KCNMA1: variants seen among roughly 807,000 people sequenced by gnomAD.
KCNMA1 encodes Calcium-activated potassium channel subunit alpha-1.
In KCNMA1, 29 loss-of-function variants were observed where a neutral mutation model predicts 140.0. That is an observed-to-expected ratio of 0.21 (90% CI 0.15 to 0.28). The LOEUF (loss-of-function observed/expected upper bound fraction) is 0.28. KCNMA1 is among the 10% of genes least tolerant of loss of function. The pLI, the probability that KCNMA1 is intolerant of heterozygous loss-of-function variation, is 1.00. For missense variants in KCNMA1, 880 were observed against 1,602.2 expected (o/e 0.55, Z 7.70); for synonymous variants, 612 against 611.9 (o/e 1.00, Z 0.00).
At chr10:77,321,238 C>T (rs1291206737) in intron 2 of KCNMA1, among the ~76,000 whole-genome samples, 1 of 152,206 alleles carries the variant, frequency 6.6e-6, no homozygotes, top group Non-Finnish European at 1.5e-5. Context: ...TGGCTTCACC[C>T]TACATGCCAT....
At chr10:77,214,579 T>C (rs917843392) in intron 3 of KCNMA1, among the ~76,000 whole-genome samples, 1 of 152,174 alleles carries the variant, frequency 6.6e-6, no homozygotes, top group Non-Finnish European at 1.5e-5. Context: ...CAACCACATT[T>C]CCAGAGACTA....
At chr10:77,470,434 G>A (rs772523584) in intron 1 of KCNMA1, among the ~76,000 whole-genome samples, 1 of 152,096 alleles carries the variant, frequency 6.6e-6, no homozygotes, top group Non-Finnish European at 1.5e-5. Flanking sequence ...GCTTCATCCA[G>A]AAATGTAAAC....
intron 1 of KCNMA1, among the ~76,000 whole-genome samples, chr10:77,514,993 A>G (rs938637184): frequency 3.3e-5 from 5 of 152,078 alleles, no homozygotes; most frequent in African/African-American, 1.2e-4. Context: ...GCTGTCCTGC[A>G]GCAGATGAAA....
rs1398207805 is a variant in KCNMA1 at position 76,887,272 on chromosome 10, CCGCT to C, written c.3701_3704del (p.Glu1234GlyfsTer61). 6.2e-7 allele frequency: 1 copy of C among 1,613,810 alleles called. No homozygotes were observed. The highest frequency in any genetic ancestry group is 8.5e-7 in the Non-Finnish European group (1 of 1,179,986). ...GTGGCGGTGGATACACATATCAAAG[CCGCT>C]CTTCCTGCACGTACTTCTGTTTGTC... On this transcript the variant is annotated frameshift_variant, in exon 28 of 28. Transcript: ENST00000286628. LOFTEE classifies it high-confidence loss of function.
At chr10:77,027,786 A>G (rs200991834) in intron 16 of KCNMA1, 37 bp downstream of exon 16, 11 of 1,576,780 alleles carry the variant, frequency 7.0e-6, no homozygotes, top group East Asian at 2.2e-5. Context: ...CTCACCATCA[A>G]AAGTGTCAGC....
At chr10:77,392,394 T>A (rs897788328) in intron 2 of KCNMA1, among the ~76,000 whole-genome samples, 1 of 152,148 alleles carries the variant, frequency 6.6e-6, no homozygotes, top group African/African-American at 2.4e-5. Context: ...CTGCACAGGA[T>A]GTGCAATCAG....
intron 3 of KCNMA1, among the ~76,000 whole-genome samples, chr10:77,205,679 T>C (rs1378627209): frequency 6.6e-6 from 1 of 152,214 alleles, no homozygotes; most frequent in East Asian, 1.9e-4. Flanking sequence ...AGGAAGTCCA[T>C]CTGAACCAAG....
chr10:77,372,409 T>C lies in KCNMA1; in HGVS notation c.540+31453A>G, dbSNP rs368820291. Among the ~76,000 whole-genome samples, 282 of 152,168 alleles carry C rather than the reference T, an allele frequency of 1.9e-3. 4 individuals carry two copies. The South Asian group carries it at 0.058, about 31-fold the overall frequency. On this transcript the variant is annotated intron_variant, in intron 2 of 27. Coordinates refer to ENST00000286628, the MANE Select transcript of KCNMA1 (RefSeq NM_001161352.2). Reference sequence around the variant, plus strand: ...AGTCCCTATATCTTAACATCTGCAGTTCACCAGGCTGACCATGCCCTTCTC... The same window carrying C: ...AGTCCCTATATCTTAACATCTGCAGCTCACCAGGCTGACCATGCCCTTCTC...
chr10:76,971,377 G>T (rs2076040541), intron 19 of KCNMA1, among the ~76,000 whole-genome samples: 1 of 152,100 alleles, frequency 6.6e-6, no homozygotes, highest in Non-Finnish European at 1.5e-5. Flanking sequence ...GCATTATATG[G>T]TACTTCCCTG....
At chr10:77,369,764 C>T (rs1310433218) in intron 2 of KCNMA1, among the ~76,000 whole-genome samples, 19 of 152,188 alleles carry the variant, frequency 1.2e-4, no homozygotes, top group Admixed American at 1.2e-3. Flanking sequence ...CAGGAGGAGA[C>T]AGAGGAGAGA....
chr10:77,544,269 A>G (rs558893742), intron 1 of KCNMA1, among the ~76,000 whole-genome samples: 3 of 150,094 alleles, frequency 2.0e-5, no homozygotes, highest in East Asian at 2.0e-4. Flanking sequence ...GTAATTTTTA[A>G]ATTTCTTCTC....
chr10:76,896,948 A>G (rs1589825715), intron 25 of KCNMA1, among the ~76,000 whole-genome samples: 1 of 152,008 alleles, frequency 6.6e-6, no homozygotes, highest in East Asian at 1.9e-4. Context: ...TAGTTAAAAG[A>G]CAACTAAATT....
intron 23 of KCNMA1, among the ~76,000 whole-genome samples, chr10:76,942,356 T>G (rs1196311379): frequency 6.6e-6 from 1 of 152,128 alleles, no homozygotes; most frequent in Non-Finnish European, 1.5e-5. Flanking sequence ...ACCATCGCCT[T>G]GAGGGTTAGG....
intron 1 of KCNMA1, among the ~76,000 whole-genome samples, chr10:77,484,175 C>T (rs1408881516): frequency 6.6e-6 from 1 of 152,220 alleles, no homozygotes; most frequent in African/African-American, 2.4e-5. Context: ...GAAGCAGCCT[C>T]AGTAAAGAGC....
intron 20 of KCNMA1, among the ~76,000 whole-genome samples, chr10:76,961,085 C>T (rs951410851): frequency 6.6e-6 from 1 of 151,226 alleles, no homozygotes; most frequent in Non-Finnish European, 1.5e-5. Flanking sequence ...GCTATCACTG[C>T]CATAGTGATT....
chr10:76,908,744 A>T (rs1317656539), intron 25 of KCNMA1, among the ~76,000 whole-genome samples: 1 of 152,188 alleles, frequency 6.6e-6, no homozygotes, highest in Non-Finnish European at 1.5e-5. Flanking sequence ...TTTATCATGG[A>T]TTCTCCAAAG....
chr10:77,522,927 T>C (rs1343099581), intron 1 of KCNMA1, among the ~76,000 whole-genome samples: 2 of 152,204 alleles, frequency 1.3e-5, no homozygotes, highest in Non-Finnish European at 2.9e-5. Context: ...AAGTCTCCTT[T>C]CCATTTTTCA....
At chr10:76,974,460 TG>T in intron 19 of KCNMA1, 1 of 1,395,264 alleles carries the variant, frequency 7.2e-7, no homozygotes, top group Non-Finnish European at 9.9e-7. Flanking sequence ...TTATTAAAAA[TG>T]GGAATGGGTC....
chr10:77,028,036 G>T, intron 15 of KCNMA1, 145 bp from the exon 16 acceptor site: 7 of 764,532 alleles, frequency 9.2e-6, no homozygotes, highest in Non-Finnish European at 1.6e-5. Flanking sequence ...AAGGGAGGGG[G>T]TGGAAGCAAC....
Sources: gnomAD v4.1 joint callset for allele counts (sites outside exome capture counted in the v4.1 genomes callset) on GRCh38, gnomAD v4.1.1 for gene constraint, MANE v1.5 for transcripts, NCBI Gene and HGNC (gene_info 2026-07-23, HGNC 2026-07-21) for gene names.